Variants in EPHA7 observed in about 807,000 individuals in gnomAD.
EPHA7 encodes EPH receptor A7.
In EPHA7, 25 loss-of-function variants were observed where a neutral mutation model predicts 112.6. The observed-to-expected ratio is 0.22, with a 90% CI of 0.16 to 0.31. The LOEUF is 0.31. Ranked by LOEUF, EPHA7 falls within the 10% of genes least tolerant of loss-of-function variation. The pLI, the probability that EPHA7 is intolerant of heterozygous loss-of-function variation, is 1.00. For synonymous variants in EPHA7, 437 were observed against 406.5 expected, an observed-to-expected ratio of 1.07 and a Z score of -0.90; for missense variants, 962 against 1,212.6, an observed-to-expected ratio of 0.79 and a Z score of 3.07.
At chr6:93,308,502 A>G (rs1309091975) in intron 5 of EPHA7, among the ~76,000 whole-genome samples, 14 of 152,118 alleles carry the variant, frequency 9.2e-5, no homozygotes, top group Admixed American at 5.9e-4. Context: ...CTCTGCTGTA[A>G]GATTCACTTA....
intron 3 of EPHA7, among the ~76,000 whole-genome samples, chr6:93,395,342 A>G (rs1778113328): frequency 6.6e-6 from 1 of 151,838 alleles, no homozygotes; most frequent in Non-Finnish European, 1.5e-5. Flanking sequence ...GGAAATTTAC[A>G]GCTTTTATTA....
intron 5 of EPHA7, among the ~76,000 whole-genome samples, chr6:93,281,605 T>C (rs1771741347): frequency 6.6e-6 from 1 of 152,066 alleles, no homozygotes; most frequent in South Asian, 2.1e-4. Flanking sequence ...AACACACACA[T>C]ACATTAGTTA....
In EPHA7 at chr6:93,410,609, C is replaced by T; in HGVS notation, c.724G>A (p.Ala242Thr). The change falls in exon 3 of 17, where the codon GCG becomes ACG. Residue 242 changes from alanine to threonine, a missense_variant. By Grantham distance (58) the Ala-to-Thr change is moderately conservative. Coordinates refer to ENST00000369303, the MANE Select transcript of EPHA7 (RefSeq NM_004440.4). This position sits in a 1 kb window ranked among gnomAD's most constrained non-coding sequence, Gnocchi z 4.0. ...GTCVSSAEEE[A>T]ENAPRMHCSA... is the part of the protein sequence containing the mutation. ...CAGTGCATCCTGGGGGCGTTTTCCGCTTCTTCCTCTGCACTGCTGACACAT... is the reference window on the plus strand; with the variant it reads ...CAGTGCATCCTGGGGGCGTTTTCCGTTTCTTCCTCTGCACTGCTGACACAT... The T allele has an allele frequency of 6.2e-7, 1 of 1,614,006 alleles. No individual in the cohort carries two copies. The highest frequency in any genetic ancestry group is 8.5e-7 in the Non-Finnish European group (1 of 1,179,960).
chr6:93,371,997 T>C (rs1265967071), intron 3 of EPHA7, among the ~76,000 whole-genome samples: 3 of 152,168 alleles, frequency 2.0e-5, no homozygotes, highest in African/African-American at 7.2e-5. Flanking sequence ...CAGACAATAT[T>C]TTTAGAATCA....
chr6:93,364,535 C>CA (rs35503890), intron 3 of EPHA7, among the ~76,000 whole-genome samples: 20,035 of 90,098 alleles, frequency 0.22, 2,432 homozygotes, highest in African/African-American at 0.37. Flanking sequence ...AACTCCGTCT[C>CA]AAAAAAAAAA....
At chr6:93,350,074 A>G (rs1306422747) in intron 5 of EPHA7, among the ~76,000 whole-genome samples, 1 of 152,032 alleles carries the variant, frequency 6.6e-6, no homozygotes, top group Non-Finnish European at 1.5e-5. Context: ...GAGAAATTAG[A>G]TCTGGGCATT....
chr6:93,361,870 G>A (rs1013674647), intron 3 of EPHA7, among the ~76,000 whole-genome samples: 8 of 151,946 alleles, frequency 5.3e-5, no homozygotes, highest in Non-Finnish European at 8.8e-5. Context: ...GTACCCTATG[G>A]ATAAAGTTAG....
chr6:93,299,195 G>A (rs746511192), intron 5 of EPHA7, among the ~76,000 whole-genome samples: 98 of 151,956 alleles, frequency 6.4e-4, no homozygotes, highest in Non-Finnish European at 1.0e-3. Context: ...GCGTGGTGGC[G>A]GGCGCCTGTA....
At chr6:93,364,589 T>TA (rs1179237822) in intron 3 of EPHA7, among the ~76,000 whole-genome samples, 4 of 151,624 alleles carry the variant, frequency 2.6e-5, no homozygotes, top group African/African-American at 9.7e-5. Context: ...TCTGAACACT[T>TA]AAACAGGCAA....
At chr6:93,289,905 T>A (rs146511604) in intron 5 of EPHA7, among the ~76,000 whole-genome samples, 20 of 152,180 alleles carry the variant, frequency 1.3e-4, no homozygotes, top group Non-Finnish European at 2.2e-4. Context: ...TTTTAGTTTA[T>A]ATATTCCCTT....
intron 2 of EPHA7, among the ~76,000 whole-genome samples, chr6:93,412,150 T>C (rs1213147493): frequency 2.6e-5 from 4 of 152,056 alleles, no homozygotes; most frequent in Non-Finnish European, 1.5e-5. Flanking sequence ...TATTAATAAT[T>C]TTCCCACTTT....
chr6:93,374,746 G>A (rs1046245527), intron 3 of EPHA7, among the ~76,000 whole-genome samples: 2 of 152,096 alleles, frequency 1.3e-5, no homozygotes, highest in Non-Finnish European at 2.9e-5. Flanking sequence ...ATCACCAATA[G>A]GAAACTGCCT....
intron 5 of EPHA7, among the ~76,000 whole-genome samples, chr6:93,277,946 A>T (rs780351887): frequency 3.9e-5 from 6 of 152,008 alleles, no homozygotes; most frequent in South Asian, 4.1e-4. Flanking sequence ...AAATCAATAT[A>T]TCTTCAGTAG....
At chr6:93,388,088 A>G (rs938805377) in intron 3 of EPHA7, among the ~76,000 whole-genome samples, 1 of 152,142 alleles carries the variant, frequency 6.6e-6, no homozygotes, top group Non-Finnish European at 1.5e-5. Flanking sequence ...ACAAAAGATG[A>G]CCCACATGAA....
intron 6 of EPHA7, among the ~76,000 whole-genome samples, chr6:93,270,009 A>T (rs1435223542): frequency 6.6e-6 from 1 of 151,762 alleles, no homozygotes; most frequent in East Asian, 1.9e-4. Flanking sequence ...AGTAGAGGTC[A>T]TCAAATCATA....
intron 16 of EPHA7, among the ~76,000 whole-genome samples, chr6:93,244,154 C>T (rs1261936576): frequency 6.6e-6 from 1 of 151,988 alleles, no homozygotes; most frequent in African/African-American, 2.4e-5. Context: ...CTGTGTTTTG[C>T]CTTTCTTAAT....
At chr6:93,373,311 T>C (rs1010170400) in intron 3 of EPHA7, among the ~76,000 whole-genome samples, 3 of 152,008 alleles carry the variant, frequency 2.0e-5, no homozygotes, top group Non-Finnish European at 2.9e-5. Flanking sequence ...ATTCTTGACC[T>C]TTTCTTAAAA....
At chr6:93,339,399 C>G (rs1007081807) in intron 5 of EPHA7, among the ~76,000 whole-genome samples, 1 of 151,816 alleles carries the variant, frequency 6.6e-6, no homozygotes, top group African/African-American at 2.4e-5. Flanking sequence ...TCCAAAACTG[C>G]ACTTTGCCAC....
intron 5 of EPHA7, among the ~76,000 whole-genome samples, chr6:93,349,181 A>G (rs1775563602): frequency 6.6e-6 from 1 of 151,864 alleles, no homozygotes; most frequent in East Asian, 1.9e-4. Flanking sequence ...TATCTAAAAT[A>G]TCATCCTTTT....
Sources: allele counts gnomAD v4.1 joint callset (sites outside exome capture counted in the v4.1 genomes callset), GRCh38; gene constraint gnomAD v4.1.1; non-coding constraint Gnocchi (gnomAD v3.1); transcripts MANE v1.5; gene names NCBI Gene and HGNC (gene_info 2026-07-23, HGNC 2026-07-21).